Variants in JAKMIP2 observed in about 807,000 individuals in gnomAD.
The protein encoded by JAKMIP2 is janus kinase and microtubule-interacting protein 2.
JAKMIP2 carries 25 observed loss-of-function variants against 115.0 expected under a neutral mutation model. That is an observed-to-expected ratio of 0.22 (90% confidence interval 0.16 to 0.30). The LOEUF (loss-of-function observed/expected upper bound fraction) is 0.30, where lower values mean the gene tolerates loss of function less well. Ranked by LOEUF, JAKMIP2 falls within the 10% of genes least tolerant of loss-of-function variation. The pLI, the probability that JAKMIP2 is intolerant of heterozygous loss-of-function variation, is 1.00. For synonymous variants in JAKMIP2, 334 were observed against 343.6 expected, an observed-to-expected ratio of 0.97 and a Z score of 0.31; for missense variants, 642 against 957.6, an observed-to-expected ratio of 0.67 and a Z score of 4.35.
chr5:147,762,109 A>G (rs1037610577), intron 1 of JAKMIP2, among the ~76,000 whole-genome samples: 2 of 152,038 alleles, frequency 1.3e-5, no homozygotes, highest in Non-Finnish European at 2.9e-5. Context: ...TTTAGGAAGG[A>G]TTTGAGGGTT....
At chr5:147,668,261 T>C (rs1273184217) in intron 2 of JAKMIP2, among the ~76,000 whole-genome samples, 2 of 152,156 alleles carry the variant, frequency 1.3e-5, no homozygotes, top group Non-Finnish European at 2.9e-5. Flanking sequence ...ACTGTGCCCA[T>C]GCTGTTCACG....
At chr5:147,708,032 AT>A (rs776266418) in intron 1 of JAKMIP2, among the ~76,000 whole-genome samples, 267 of 152,348 alleles carry the variant, frequency 1.8e-3, no homozygotes, top group Non-Finnish European at 3.1e-3. Context: ...ATCAATAAAT[AT>A]TTGCCTATTT....
intron 1 of JAKMIP2, among the ~76,000 whole-genome samples, chr5:147,700,374 T>C (rs998496462): frequency 1.3e-5 from 2 of 152,048 alleles, no homozygotes; most frequent in African/African-American, 4.8e-5. Flanking sequence ...TAAAGAGACA[T>C]TTAGTGAACT....
At chr5:147,603,886 G>C (rs1346340047) in intron 20 of JAKMIP2, among the ~76,000 whole-genome samples, 1 of 152,116 alleles carries the variant, frequency 6.6e-6, no homozygotes, top group Non-Finnish European at 1.5e-5. Context: ...AGAATGGCTA[G>C]GGTGATGACG....
At chr5:147,759,349 T>C (rs2127042659) in intron 1 of JAKMIP2, among the ~76,000 whole-genome samples, 1 of 152,248 alleles carries the variant, frequency 6.6e-6, no homozygotes, top group Middle Eastern at 3.4e-3. Context: ...CGACTAATTA[T>C]CATTTTTTAA....
intron 1 of JAKMIP2, among the ~76,000 whole-genome samples, chr5:147,774,815 G>C (rs551293337): frequency 6.6e-6 from 1 of 152,046 alleles, no homozygotes; most frequent in Non-Finnish European, 1.5e-5. Flanking sequence ...TTTTTCAGGG[G>C]AACATTTCCA....
chr5:147,716,885 A>T (rs1362277101), intron 1 of JAKMIP2, among the ~76,000 whole-genome samples: 1 of 144,194 alleles, frequency 6.9e-6, no homozygotes, highest in African/African-American at 2.6e-5. Context: ...TTTTGTTGCC[A>T]TTGCTTTTGG....
In JAKMIP2 at chr5:147,589,288, A is replaced by C. The variant is rs1755007852; in HGVS notation, c.*2419T>G. The C allele has an allele frequency of 6.6e-6, 1 of 152,152 alleles. No individual in the cohort carries two copies. The highest frequency in any genetic ancestry group is 2.1e-4 in the South Asian group (1 of 4,826). 9.4% of individuals were successfully genotyped at this position (152,152 alleles called of 1,614,324 possible). A position where few individuals can be genotyped will look rare whatever the true frequency, so the allele number is the denominator to read the frequency against. ...ATAGTGAAACCCTGTCTCTACTAAA[A>C]ATACAAAAATTAGCCAGGTGTGGTG... On this transcript the variant is annotated 3_prime_UTR_variant, in exon 22 of 22. Coordinates refer to ENST00000616793, the MANE Select transcript of JAKMIP2 (RefSeq NM_001270941.2).
intron 1 of JAKMIP2, among the ~76,000 whole-genome samples, chr5:147,700,859 A>G (rs1752298414): frequency 6.6e-6 from 1 of 152,142 alleles, no homozygotes; most frequent in Non-Finnish European, 1.5e-5. Context: ...CTGGCTTTTT[A>G]AATTGTTTTC....
chr5:147,741,339 G>C (rs907285887), intron 1 of JAKMIP2, among the ~76,000 whole-genome samples: 1 of 152,100 alleles, frequency 6.6e-6, no homozygotes, highest in African/African-American at 2.4e-5. Context: ...TTCAGAATGT[G>C]ATATATCAAA....
intron 1 of JAKMIP2, among the ~76,000 whole-genome samples, chr5:147,678,003 T>G (rs959848626): frequency 4.0e-5 from 6 of 149,652 alleles, no homozygotes; most frequent in African/African-American, 1.5e-4. Context: ...GCTCCTCACC[T>G]TTTTTTTGTT....
At chr5:147,768,847 A>G (rs1755245667) in intron 1 of JAKMIP2, among the ~76,000 whole-genome samples, 1 of 152,174 alleles carries the variant, frequency 6.6e-6, no homozygotes, top group South Asian at 2.1e-4. Context: ...TGGGAGACAC[A>G]TACTGTCACA....
intron 2 of JAKMIP2, among the ~76,000 whole-genome samples, chr5:147,665,945 A>T (rs898724533): frequency 6.6e-6 from 1 of 152,202 alleles, no homozygotes; most frequent in African/African-American, 2.4e-5. Context: ...AATTATTTTT[A>T]AAAAAGTAAA....
intron 1 of JAKMIP2, among the ~76,000 whole-genome samples, chr5:147,776,315 T>C (rs1444473180): frequency 6.6e-6 from 1 of 152,106 alleles, no homozygotes; most frequent in Non-Finnish European, 1.5e-5. Flanking sequence ...CATTCTATTG[T>C]CATGGTATTG....
intron 4 of JAKMIP2, 65 bp downstream of exon 4, chr5:147,650,273 G>A (rs1758331564): frequency 2.0e-6 from 2 of 1,017,140 alleles, no homozygotes; most frequent in South Asian, 1.3e-5. Flanking sequence ...TAAGTAAAAG[G>A]TAAAACTTGG....
At chr5:147,728,292 C>G (rs1753596788) in intron 1 of JAKMIP2, among the ~76,000 whole-genome samples, 1 of 152,094 alleles carries the variant, frequency 6.6e-6, no homozygotes, top group African/African-American at 2.4e-5. Context: ...AGGCTCCCAT[C>G]AGGGTGGGCT....
At chr5:147,592,698 A>G (rs1755156920) in intron 21 of JAKMIP2, among the ~76,000 whole-genome samples, 1 of 152,210 alleles carries the variant, frequency 6.6e-6, no homozygotes, top group Non-Finnish European at 1.5e-5. Flanking sequence ...CTAAGCCTCA[A>G]TCTCCTCATC....
rs530786010 is a variant in JAKMIP2 at position 147,661,320 on chromosome 5, C to A, written c.255G>T (p.Leu85=). Residue 85 remains leucine (L), a synonymous_variant, in exon 3 of 22, where the codon CTG becomes CTT. Coordinates refer to ENST00000616793, the MANE Select transcript of JAKMIP2 (RefSeq NM_001270941.2). ...TGATAAGGTTCTCCCTCACAGCCTG[C>A]AGCTCCTTCATCTTCTCCTCATGGA... ...AKLHEEKMKE[L]QAVRENLIKQ... The A allele has an allele frequency of 4.3e-6, 7 of 1,614,016 alleles. No homozygotes were observed. In the Admixed American group the frequency reaches 1.2e-4, roughly 27 times the overall value.
intron 1 of JAKMIP2, among the ~76,000 whole-genome samples, chr5:147,692,335 A>T (rs1011422241): frequency 6.6e-6 from 1 of 152,196 alleles, no homozygotes; most frequent in Admixed American, 6.5e-5. Context: ...AAGCTTGCTG[A>T]CACCCAGTTT....
Sources: gnomAD v4.1 joint callset for allele counts (sites outside exome capture counted in the v4.1 genomes callset) on GRCh38, gnomAD v4.1.1 for gene constraint, MANE v1.5 for transcripts, NCBI Gene and HGNC (gene_info 2026-07-23, HGNC 2026-07-21) for gene names.